The following DMXL1 variants were observed in gnomAD, a reference collection of about 807,000 sequenced individuals.
The protein encoded by DMXL1 is Dmx like 1.
DMXL1 carries 99 observed loss-of-function variants against 319.2 expected under a neutral mutation model. The observed-to-expected ratio is 0.31, with a 90% confidence interval of 0.26 to 0.37. The LOEUF (loss-of-function observed/expected upper bound fraction) is 0.37, where lower values mean the gene tolerates loss of function less well. Among genes scored for constraint, DMXL1 ranks in the 10% least tolerant of loss-of-function variants. The pLI is 1.00. For synonymous variants in DMXL1, 1,385 were observed against 1,235.2 expected, an observed-to-expected ratio of 1.12 and a Z score of -2.54; for missense variants, 3,745 against 3,595.6, an observed-to-expected ratio of 1.04 and a Z score of -1.06.
intron 13 of DMXL1, among the ~76,000 whole-genome samples, chr5:119,139,268 C>G (rs1217914853): frequency 6.6e-6 from 1 of 152,164 alleles, no homozygotes; most frequent in Non-Finnish European, 1.5e-5. Context: ...ACAATCAGAT[C>G]CACACATGTC....
chr5:119,180,480 G>A (rs923781221), intron 28 of DMXL1, among the ~76,000 whole-genome samples: 3 of 151,140 alleles, frequency 2.0e-5, no homozygotes, highest in African/African-American at 7.3e-5. Context: ...TTATCTCTGT[G>A]GTCCCTCCCA....
At chr5:119,086,551 T>G (rs2149716011) in intron 1 of DMXL1, among the ~76,000 whole-genome samples, 1 of 152,354 alleles carries the variant, frequency 6.6e-6, no homozygotes, top group Middle Eastern at 3.4e-3. Flanking sequence ...AGGATAATGC[T>G]GGTCTCATAG....
chr5:119,100,838 G>T (rs1308827801), intron 2 of DMXL1, among the ~76,000 whole-genome samples: 2 of 143,676 alleles, frequency 1.4e-5, no homozygotes, highest in African/African-American at 2.6e-5. Flanking sequence ...GGAGTGCAGT[G>T]GCGTGAACTC....
At chr5:119,202,891 A>ATTTTTT in intron 32 of DMXL1, among the ~76,000 whole-genome samples, 1 of 139,962 alleles carries the variant, frequency 7.1e-6, no homozygotes, top group African/African-American at 2.8e-5. Flanking sequence ...ATTTTTATAT[A>ATTTTTT]TATATATATA....
chr5:119,205,203 T>C (rs1781537544), intron 33 of DMXL1, among the ~76,000 whole-genome samples: 1 of 152,134 alleles, frequency 6.6e-6, no homozygotes, highest in South Asian at 2.1e-4. Flanking sequence ...ATCTTATTTT[T>C]CTACTGCCGA....
intron 1 of DMXL1, among the ~76,000 whole-genome samples, chr5:119,097,590 A>G (rs551297193): frequency 3.3e-5 from 5 of 152,238 alleles, no homozygotes; most frequent in South Asian, 2.1e-4. Context: ...GGTGGTGGGC[A>G]CCTGTAGTCT....
chr5:119,084,434 G>A (rs894080840), intron 1 of DMXL1, among the ~76,000 whole-genome samples: 1 of 152,142 alleles, frequency 6.6e-6, no homozygotes, highest in African/African-American at 2.4e-5. Flanking sequence ...CCCCAAAAGC[G>A]TTCTTTTTGC....
chr5:119,160,403 C>G (rs1186350117), intron 19 of DMXL1, among the ~76,000 whole-genome samples: 1 of 152,148 alleles, frequency 6.6e-6, no homozygotes, highest in Non-Finnish European at 1.5e-5. Context: ...AAAGATACTT[C>G]ATATGATTTA....
chr5:119,229,807 T>C (rs903572764), intron 38 of DMXL1, among the ~76,000 whole-genome samples: 1 of 152,194 alleles, frequency 6.6e-6, no homozygotes, highest in African/African-American at 2.4e-5. Flanking sequence ...ACACCAGCAT[T>C]CTATAGAGTA....
At chr5:119,155,966 A>G (rs1390905617) in intron 19 of DMXL1, among the ~76,000 whole-genome samples, 1 of 152,218 alleles carries the variant, frequency 6.6e-6, no homozygotes, top group Non-Finnish European at 1.5e-5. Context: ...CAAAGGATTT[A>G]GAATAGTCTG....
intron 9 of DMXL1, chr5:119,127,907 T>C (rs907468569): frequency 1.1e-5 from 4 of 361,342 alleles, no homozygotes; most frequent in Non-Finnish European, 2.2e-5. Flanking sequence ...TATTCACTTT[T>C]TCAAGCAAAA....
In DMXL1 at chr5:119,129,430, T is replaced by C. The variant is rs752296915; in HGVS notation, c.1315+7T>C. 1.3e-6 allele frequency: 2 copies of C among 1,576,464 alleles called. No individual in the cohort carries two copies. Among genetic ancestry groups the C allele is most frequent in the Non-Finnish European group, 1.7e-6 (2 of 1,163,510 alleles). ...GATGTAAAATCTGATGAAGGTAAAC[T>C]TTAAGAGGAAAGGAAAATTTAAAGT... On this transcript the variant is annotated splice_region_variant and intron_variant, in intron 10 of 43. Coordinates refer to ENST00000539542, the MANE Select transcript of DMXL1 (RefSeq NM_001290321.3).
At chr5:119,200,254 G>A (rs1780451656) in intron 32 of DMXL1, among the ~76,000 whole-genome samples, 1 of 152,132 alleles carries the variant, frequency 6.6e-6, no homozygotes, top group Non-Finnish European at 1.5e-5. Flanking sequence ...TTTTGTGTAT[G>A]TTGCAAGGAA....
intron 28 of DMXL1, among the ~76,000 whole-genome samples, chr5:119,183,070 GAA>G (rs1221937547): frequency 6.6e-6 from 1 of 152,082 alleles, no homozygotes; most frequent in African/African-American, 2.4e-5. Context: ...TTGAGGAATG[GAA>G]ATATAAAATG....
intron 18 of DMXL1, 44 bp from the exon 19 acceptor site, chr5:119,151,885 C>A: frequency 7.4e-7 from 1 of 1,358,964 alleles, no homozygotes; most frequent in South Asian, 1.2e-5. Flanking sequence ...CTTTTGCTTA[C>A]AATTTTTTTT....
chr5:119,193,882 G>A lies in DMXL1; in HGVS notation c.7369G>A (p.Gly2457Arg). The A allele has an allele frequency of 6.2e-7, 1 of 1,612,946 alleles. No individual in the cohort carries two copies. The highest frequency in any genetic ancestry group is 8.5e-7 in the Non-Finnish European group (1 of 1,179,458). The change falls in exon 30 of 44, where the codon GGA becomes AGA. Residue 2457 changes from glycine (G) to arginine (R), a missense_variant. Physicochemically the swap from Gly to Arg is moderately radical, Grantham distance 125 (BLOSUM62 -2). Transcript: ENST00000539542. The stretch of plus-strand genomic sequence containing the variant: ...CGAATATGATTCAGAGGAGAGTCTG[G>A]GAAGTGATGATGATGACAATGATGA... ...RAEYDSEESL[G>R]SDDDDNDDDD...
intron 38 of DMXL1, among the ~76,000 whole-genome samples, chr5:119,232,339 C>A (rs1349607961): frequency 6.6e-6 from 1 of 152,114 alleles, no homozygotes; most frequent in Non-Finnish European, 1.5e-5. Context: ...AATTGAAGTT[C>A]ATTTATTTTA....
At chr5:119,109,622 A>G (rs913042370) in intron 4 of DMXL1, among the ~76,000 whole-genome samples, 6 of 152,214 alleles carry the variant, frequency 3.9e-5, no homozygotes, top group South Asian at 2.1e-4. Context: ...ACATAAATTT[A>G]TATGTCTTCA....
chr5:119,195,936 G>A (rs1010620682), intron 30 of DMXL1, among the ~76,000 whole-genome samples: 2 of 151,882 alleles, frequency 1.3e-5, no homozygotes, highest in Non-Finnish European at 2.9e-5. Flanking sequence ...TTAGCTTCTG[G>A]TTTATCCTTC....
Sources: gnomAD v4.1 joint callset for allele counts (sites outside exome capture counted in the v4.1 genomes callset) on GRCh38, gnomAD v4.1.1 for gene constraint, MANE v1.5 for transcripts, NCBI Gene and HGNC (gene_info 2026-07-23, HGNC 2026-07-21) for gene names.